The following PDE4B variants were observed in gnomAD, a reference collection of about 807,000 sequenced individuals.
PDE4B encodes 3',5'-cyclic-AMP phosphodiesterase 4B.
Under a neutral mutation model 82.2 loss-of-function variants are expected in PDE4B, and 20 were observed. The ratio of observed to expected loss-of-function variants is 0.24; its 90% CI spans 0.17 to 0.35. The LOEUF (loss-of-function observed/expected upper bound fraction) is 0.35. PDE4B is among the 10% of genes least tolerant of loss of function. The pLI is 1.00. For missense variants in PDE4B, 655 were observed against 907.2 expected (o/e 0.72, Z 3.57); for synonymous variants, 320 against 318.9 (o/e 1.00, Z -0.04).
At chr1:66,116,261 C>G (rs944678890) in intron 3 of PDE4B, among the ~76,000 whole-genome samples, 16 of 151,956 alleles carry the variant, frequency 1.1e-4, no homozygotes, top group African/African-American at 4.8e-5. Flanking sequence ...CCTCAAATGT[C>G]TGATGATTCT....
chr1:66,033,961 C>T (rs1383003311), intron 3 of PDE4B, among the ~76,000 whole-genome samples: 1 of 152,158 alleles, frequency 6.6e-6, no homozygotes, highest in Non-Finnish European at 1.5e-5. Context: ...GTGACACATA[C>T]AGGTCTCAGC....
chr1:66,160,496 A>C (rs549013420), intron 3 of PDE4B, among the ~76,000 whole-genome samples: 1 of 152,306 alleles, frequency 6.6e-6, no homozygotes, highest in Admixed American at 6.5e-5. Context: ...CATGAGATTA[A>C]ATTCAGGTCT....
intron 1 of PDE4B, among the ~76,000 whole-genome samples, chr1:65,831,814 C>T (rs1646084930): frequency 6.6e-6 from 1 of 152,006 alleles, no homozygotes; most frequent in Non-Finnish European, 1.5e-5. Context: ...TGAGACTCAC[C>T]CCACTGATGA....
At chr1:66,344,144 T>C (rs2101964805) in intron 8 of PDE4B, among the ~76,000 whole-genome samples, 1 of 152,356 alleles carries the variant, frequency 6.6e-6, no homozygotes, top group South Asian at 2.1e-4. Flanking sequence ...GGCTCCATTC[T>C]ATAAGTGAGT....
rs374382835 is a variant in PDE4B, at chr1:65,941,493, C to T, written c.281+22658C>T. Among the ~76,000 whole-genome samples the T allele has an allele frequency of 1.2e-4, 19 of 152,060 alleles. 1 individual carries two copies. The East Asian group carries it at 3.7e-3, about 30-fold the overall frequency. On this transcript the variant is annotated intron_variant, in intron 3 of 16. Coordinates refer to ENST00000341517, the MANE Select transcript of PDE4B (RefSeq NM_002600.4). ...GTTTCCTTCTGATGCCTTGACGTGG[C>T]ACCAGCAAGGTGTCCTTTACCAGAG...
chr1:66,078,448 A>C (rs1055078238), intron 3 of PDE4B, among the ~76,000 whole-genome samples: 2 of 151,922 alleles, frequency 1.3e-5, no homozygotes, highest in African/African-American at 4.8e-5. Flanking sequence ...GACCTCAGGC[A>C]ATCTGCCCAC....
At chr1:66,243,696 A>G (rs958783132) in intron 3 of PDE4B, among the ~76,000 whole-genome samples, 2 of 152,206 alleles carry the variant, frequency 1.3e-5, no homozygotes, top group African/African-American at 4.8e-5. Context: ...CATACAGCCC[A>G]TCACCCACCA....
intron 3 of PDE4B, among the ~76,000 whole-genome samples, chr1:66,161,785 T>G (rs1432027830): frequency 6.6e-6 from 1 of 152,112 alleles, no homozygotes; most frequent in Non-Finnish European, 1.5e-5. Flanking sequence ...TATCCCAGAA[T>G]AAGTCACTTA....
At chr1:66,171,855 A>G (rs1026264343) in intron 3 of PDE4B, among the ~76,000 whole-genome samples, 3 of 152,344 alleles carry the variant, frequency 2.0e-5, no homozygotes, top group African/African-American at 4.8e-5. Flanking sequence ...AAAAAAATTG[A>G]TATGTGACTC....
intron 1 of PDE4B, among the ~76,000 whole-genome samples, chr1:65,853,124 A>G (rs1646349647): frequency 6.6e-6 from 1 of 152,074 alleles, no homozygotes. Context: ...CTCCATTATC[A>G]TTGTGACATG....
intron 3 of PDE4B, among the ~76,000 whole-genome samples, chr1:65,999,248 T>G (rs1651725878): frequency 6.6e-6 from 1 of 152,178 alleles, no homozygotes; most frequent in Admixed American, 6.5e-5. Context: ...TTATAGTGCT[T>G]CCTTCTCTAA....
At chr1:65,980,563 C>G (rs1650634625) in intron 3 of PDE4B, among the ~76,000 whole-genome samples, 1 of 152,046 alleles carries the variant, frequency 6.6e-6, no homozygotes, top group South Asian at 2.1e-4. Context: ...TCATTTGATT[C>G]TCATTTGTGT....
chr1:66,296,044 C>T (rs946408148), intron 7 of PDE4B, among the ~76,000 whole-genome samples: 17 of 152,042 alleles, frequency 1.1e-4, no homozygotes, highest in African/African-American at 3.1e-4. Context: ...GGCTAATGCC[C>T]GCTGGTTTAG....
At chr1:65,854,245 CT>C (rs1646366956) in intron 1 of PDE4B, among the ~76,000 whole-genome samples, 2 of 150,984 alleles carry the variant, frequency 1.3e-5, no homozygotes, top group Admixed American at 6.6e-5. Flanking sequence ...AATGCATGTT[CT>C]TTTTTTGCTT....
At chr1:66,187,631 G>T (rs1433286212) in intron 3 of PDE4B, among the ~76,000 whole-genome samples, 2 of 152,204 alleles carry the variant, frequency 1.3e-5, no homozygotes, top group Admixed American at 1.3e-4. Flanking sequence ...AGAGGTGTTT[G>T]TAGTATTCTC....
At chr1:65,933,844 G>C (rs1279334809) in intron 3 of PDE4B, among the ~76,000 whole-genome samples, 2 of 152,164 alleles carry the variant, frequency 1.3e-5, no homozygotes, top group Non-Finnish European at 2.9e-5. Context: ...CACTGTAACT[G>C]TTGGATGAAT....
At chr1:66,323,102 C>G (rs532861687) in intron 7 of PDE4B, among the ~76,000 whole-genome samples, 13 of 152,238 alleles carry the variant, frequency 8.5e-5, no homozygotes, top group African/African-American at 2.9e-4. Flanking sequence ...GGCTGGGCCA[C>G]TCCTTTGAAA....
chr1:66,242,704 G>A (rs1220087729), intron 3 of PDE4B, among the ~76,000 whole-genome samples: 1 of 152,142 alleles, frequency 6.6e-6, no homozygotes, highest in Non-Finnish European at 1.5e-5. Context: ...TTAATCAAAG[G>A]TTTCATGGTA....
At chr1:66,289,885 T>C (rs1159062349) in intron 7 of PDE4B, among the ~76,000 whole-genome samples, 1 of 151,896 alleles carries the variant, frequency 6.6e-6, no homozygotes, top group Non-Finnish European at 1.5e-5. Context: ...ATATATTCTG[T>C]AGGTGAAATA....
Sources: gnomAD v4.1 joint callset for allele counts (sites outside exome capture counted in the v4.1 genomes callset) on GRCh38, gnomAD v4.1.1 for gene constraint, MANE v1.5 for transcripts, NCBI Gene and HGNC (gene_info 2026-07-23, HGNC 2026-07-21) for gene names.